Variants in SPATA21 observed in about 807,000 individuals in gnomAD.
The protein encoded by SPATA21 is spermatogenesis-associated protein 21.
A neutral mutation model predicts 54.8 loss-of-function variants in SPATA21; 47 were observed. The observed-to-expected ratio is 0.86, with a 90% CI of 0.68 to 1.09. The LOEUF (loss-of-function observed/expected upper bound fraction) is 1.09. Ranked by LOEUF, SPATA21 falls within the 50% of genes least tolerant of loss-of-function variation. SPATA21 has a pLI of 0.00. For missense variants in SPATA21, 599 were observed against 596.4 expected, an observed-to-expected ratio of 1.00 and a Z score of -0.05; for synonymous variants, 245 against 235.3, an observed-to-expected ratio of 1.04 and a Z score of -0.38.
chr1:16,425,444 G>T, intron 3 of SPATA21: 1 of 1,419,586 alleles, frequency 7.0e-7, no homozygotes. Context: ...CCAGAATGGG[G>T]GGCATGATAG....
rs2086384598 is a variant in SPATA21, at chr1:16,428,792, CTTAA to C, written c.34+2542_34+2545del. 6.6e-6 allele frequency among the ~76,000 whole-genome samples: 1 copy of C among 152,196 alleles called. No homozygotes were observed. The highest frequency in any genetic ancestry group is 6.5e-5 in the Admixed American group (1 of 15,276). On this transcript the variant is annotated intron_variant, in intron 3 of 12. Coordinates refer to ENST00000335496, the MANE Select transcript of SPATA21 (RefSeq NM_198546.1). The surrounding 1 kb of genome is among the most constrained non-coding windows in gnomAD (Gnocchi z 4.3). Reference sequence around the variant, plus strand: ...AGTCAGCAAACTCCAAACAAATGGACTTAATTAACTCATTGACATTGATATAATA... The same window carrying C: ...AGTCAGCAAACTCCAAACAAATGGACTTAACTCATTGACATTGATATAATA...
intron 3 of SPATA21, 146 bp downstream of exon 3, chr1:16,431,192 A>G: frequency 6.6e-7 from 1 of 1,520,548 alleles, no homozygotes; most frequent in Non-Finnish European, 8.9e-7. Flanking sequence ...GGGGAAGGGA[A>G]AGGTGCCAGC....
At chr1:16,398,903 C>A in intron 12 of SPATA21, 81 bp from the exon 13 acceptor site, 1 of 1,432,964 alleles carries the variant, frequency 7.0e-7, no homozygotes, top group South Asian at 1.3e-5. Flanking sequence ...TCTGTGCGTG[C>A]CCAAGTGAGG....
rs1051098809 is a variant in SPATA21 at position 16,421,334 on chromosome 1, C to G, written c.144+175G>C. Among the ~76,000 whole-genome samples, 1 of 152,072 alleles carries G rather than the reference C, an allele frequency of 6.6e-6. No homozygotes were observed. Among genetic ancestry groups the G allele is most frequent in the Non-Finnish European group, 1.5e-5 (1 of 68,012 alleles). ...GCATACACACAGGCACAGGCACACA[C>G]ACACACGTGTGCACATCCATGTGCA... is the stretch of plus-strand genomic sequence containing the variant. On this transcript the variant is annotated intron_variant, in intron 5 of 12. Transcript: ENST00000335496. This position sits in a 1 kb window ranked among gnomAD's most constrained non-coding sequence, Gnocchi z 5.2.
intron 5 of SPATA21, among the ~76,000 whole-genome samples, chr1:16,413,579 C>T (rs2085916211): frequency 6.6e-6 from 1 of 152,104 alleles, no homozygotes; most frequent in Non-Finnish European, 1.5e-5. Flanking sequence ...CTTTAATTTT[C>T]TGAGGAACTA....
At chr1:16,437,679 T>A (rs1256483396), upstream of SPATA21, among the ~76,000 whole-genome samples, 1 of 152,118 alleles carries the variant, frequency 6.6e-6, no homozygotes, top group African/African-American at 2.4e-5. Flanking sequence ...ATTGGCCACA[T>A]CCCAGTGACC....
At chr1:16,413,860 G>A (rs900906727) in intron 5 of SPATA21, among the ~76,000 whole-genome samples, 1 of 152,014 alleles carries the variant, frequency 6.6e-6, no homozygotes, top group Non-Finnish European at 1.5e-5. Flanking sequence ...CGATCTGCCT[G>A]CCTCGGCCTC....
At chr1:16,417,438 CTT>C (rs550527293) in intron 5 of SPATA21, among the ~76,000 whole-genome samples, 42 of 124,724 alleles carry the variant, frequency 3.4e-4, no homozygotes, top group African/African-American at 3.6e-4. Context: ...TTTTTGTGGG[CTT>C]TTTTTTTTTT....
Position 16,428,069 on chromosome 1 carries a change from C to G in SPATA21, c.34+3269G>C. ...TGAGGGCTGGCATTGAGTACCCGTT[C>G]TGGAGTGATCCCTCCCACTCCTCCC... On this transcript the variant is annotated intron_variant, in intron 3 of 12. Coordinates refer to ENST00000335496, the MANE Select transcript of SPATA21 (RefSeq NM_198546.1). The surrounding 1 kb of genome is among the most constrained non-coding windows in gnomAD (Gnocchi z 4.3). 1 of 1,514,594 alleles carries G rather than the reference C, an allele frequency of 6.6e-7. No individual in the cohort carries two copies. The highest frequency in any genetic ancestry group is 8.9e-7 in the Non-Finnish European group (1 of 1,121,382). 93.8% of individuals were successfully genotyped at this position (1,514,594 alleles called of 1,614,324 possible). A position where few individuals can be genotyped will look rare whatever the true frequency, so the allele number is the denominator to read the frequency against.
intron 3 of SPATA21, among the ~76,000 whole-genome samples, chr1:16,430,878 T>C (rs1415824030): frequency 6.6e-6 from 1 of 152,200 alleles, no homozygotes. Context: ...GCAAAGAGGC[T>C]CACTTCCTGT....
chr1:16,403,475 GTTTTTTTCT>G (rs1363284108), intron 10 of SPATA21, among the ~76,000 whole-genome samples: 6 of 140,094 alleles, frequency 4.3e-5, no homozygotes, highest in East Asian at 4.4e-4. Flanking sequence ...TTTTATTCTA[GTTTTTTTCT>G]TTTTTTTCTT....
intron 5 of SPATA21, among the ~76,000 whole-genome samples, chr1:16,414,347 GC>G (rs1332532198): frequency 6.6e-6 from 1 of 152,078 alleles, no homozygotes; most frequent in East Asian, 1.9e-4. Flanking sequence ...GGGATTACAG[GC>G]GTGAGCCACC....
At chr1:16,402,532 A>T (rs1201630174) in intron 10 of SPATA21, among the ~76,000 whole-genome samples, 2 of 145,088 alleles carry the variant, frequency 1.4e-5, no homozygotes, top group Non-Finnish European at 3.0e-5. Context: ...AAGTGCTGGG[A>T]TTACAGGCAT....
At chr1:16,430,114 CAAAAAAAA>C (rs1226598581) in intron 3 of SPATA21, among the ~76,000 whole-genome samples, 4 of 53,152 alleles carry the variant, frequency 7.5e-5, no homozygotes, top group Non-Finnish European at 1.0e-4. Context: ...GACTCTATCT[CAAAAAAAA>C]AAAAAAAAAA....
chr1:16,411,744 C>T lies in SPATA21; in HGVS notation c.145-1701G>A, dbSNP rs186893969. ...GGCAGAGGTTGCAGTGAGCCGAGAC[C>T]GCGCCATTGCACTCCAGCCTGGGTG... On this transcript the variant is annotated intron_variant, in intron 5 of 12. Transcript: ENST00000335496. Among the ~76,000 whole-genome samples, 10 of 148,416 alleles carry T rather than the reference C, an allele frequency of 6.7e-5. No homozygotes were observed. The East Asian group carries it at 7.9e-4, about 12-fold the overall frequency.
intron 3 of SPATA21, among the ~76,000 whole-genome samples, chr1:16,424,226 T>C (rs1557668419): frequency 2.1e-5 from 2 of 97,312 alleles, no homozygotes; most frequent in Admixed American, 1.1e-4. Flanking sequence ...GGCAGGAGAA[T>C]GGCATGAACC....
At chr1:16,422,257 G>A in intron 3 of SPATA21, 1 of 1,365,196 alleles carries the variant, frequency 7.3e-7, no homozygotes, top group South Asian at 1.6e-5. Context: ...GAACCTCAAT[G>A]CTCCAGGCGA....
intron 5 of SPATA21, among the ~76,000 whole-genome samples, chr1:16,420,590 G>A (rs192919805): frequency 5.9e-5 from 9 of 152,204 alleles, no homozygotes; most frequent in East Asian, 1.9e-4. Context: ...TGATGGAATC[G>A]TCCTGTAGTA....
intron 5 of SPATA21, among the ~76,000 whole-genome samples, chr1:16,414,879 G>A (rs1280249861): frequency 5.5e-5 from 5 of 90,154 alleles, no homozygotes; most frequent in African/African-American, 2.3e-4. Context: ...GGCAACAAGA[G>A]CGAAACCTCA....
Sources: allele counts gnomAD v4.1 joint callset (sites outside exome capture counted in the v4.1 genomes callset), GRCh38; gene constraint gnomAD v4.1.1; non-coding constraint Gnocchi (gnomAD v3.1); transcripts MANE v1.5; gene names NCBI Gene and HGNC (gene_info 2026-07-23, HGNC 2026-07-21).